The following METTL15 variants were observed in gnomAD, a reference collection of about 807,000 sequenced individuals.
METTL15 encodes the protein 12S rRNA N(4)-cytidine methyltransferase METTL15.
In METTL15, 34 loss-of-function variants were observed where a neutral mutation model predicts 38.3. That is an observed-to-expected ratio of 0.89 (90% CI 0.68 to 1.18). The LOEUF (loss-of-function observed/expected upper bound fraction) is 1.18, where lower values mean the gene tolerates loss of function less well. Ranked by LOEUF, METTL15 falls within the 50% of genes most tolerant of loss-of-function variation. The pLI, the probability that METTL15 is intolerant of heterozygous loss-of-function variation, is 0.00. For synonymous variants in METTL15, 162 were observed against 170.9 expected (o/e 0.95, Z 0.41); for missense variants, 438 against 498.4 (o/e 0.88, Z 1.15).
At chr11:28,112,584 A>G (rs1851766493) in intron 2 of METTL15, among the ~76,000 whole-genome samples, 1 of 152,172 alleles carries the variant, frequency 6.6e-6, no homozygotes, top group South Asian at 2.1e-4. Context: ...TGGAGCACCT[A>G]TGGTAAATCC....
At chr11:28,472,597 A>T (rs1028973362) in intron 6 of METTL15, among the ~76,000 whole-genome samples, 2 of 152,172 alleles carry the variant, frequency 1.3e-5, no homozygotes. Flanking sequence ...TGGACTTTAT[A>T]TCAATCTGTA....
intron 6 of METTL15, among the ~76,000 whole-genome samples, chr11:28,425,327 G>T (rs1266689571): frequency 6.6e-6 from 1 of 151,974 alleles, no homozygotes; most frequent in African/African-American, 2.4e-5. Context: ...TCCTAGTTTT[G>T]CCCTCAAGGT....
At chr11:28,516,732 A>G (rs1472792818) in intron 6 of METTL15, 1 of 152,204 alleles carries the variant, frequency 6.6e-6, no homozygotes, top group African/African-American at 2.4e-5. Context: ...CTGGTTTAGC[A>G]TGTTAAGAAT....
intron 6 of METTL15, among the ~76,000 whole-genome samples, chr11:28,435,475 T>C (rs1418892335): frequency 6.6e-6 from 1 of 152,214 alleles, no homozygotes; most frequent in African/African-American, 2.4e-5. Flanking sequence ...CGTTCTGCTT[T>C]CTGGGAATGC....
chr11:28,519,428 G>C (rs993727046), intron 6 of METTL15: 1 of 152,276 alleles, frequency 6.6e-6, no homozygotes, highest in Admixed American at 6.5e-5. Flanking sequence ...GGTGGCAGGC[G>C]CCAGTAGTCC....
At chr11:28,159,704 C>T (rs1440325794) in intron 3 of METTL15, among the ~76,000 whole-genome samples, 1 of 152,198 alleles carries the variant, frequency 6.6e-6, no homozygotes, top group Non-Finnish European at 1.5e-5. Flanking sequence ...ATTGACTTCA[C>T]ATCAGAATTT....
At chr11:28,286,015 G>A (rs1200743544) in intron 4 of METTL15, among the ~76,000 whole-genome samples, 1 of 152,070 alleles carries the variant, frequency 6.6e-6, no homozygotes, top group African/African-American at 2.4e-5. Flanking sequence ...AGGCTACTAG[G>A]AGAAACAGAA....
chr11:28,110,763 G>A (rs982886548), intron 2 of METTL15, among the ~76,000 whole-genome samples: 4 of 152,104 alleles, frequency 2.6e-5, no homozygotes, highest in Admixed American at 1.3e-4. Flanking sequence ...AGCCCTTGAG[G>A]GAGTATCCTT....
chr11:28,433,013 A>G (rs376463310), intron 6 of METTL15, among the ~76,000 whole-genome samples: 1 of 151,834 alleles, frequency 6.6e-6, no homozygotes, highest in East Asian at 1.9e-4. Context: ...CAAAGATGCC[A>G]AAAACCTATA....
intron 5 of METTL15, among the ~76,000 whole-genome samples, chr11:28,385,675 C>T (rs530896770): frequency 6.6e-6 from 1 of 152,184 alleles, no homozygotes; most frequent in South Asian, 2.1e-4. Flanking sequence ...GTTTCTAATT[C>T]TGCAAAGAAT....
chr11:28,362,875 G>T (rs1418565468), intron 5 of METTL15, among the ~76,000 whole-genome samples: 1 of 152,172 alleles, frequency 6.6e-6, no homozygotes, highest in Non-Finnish European at 1.5e-5. Flanking sequence ...TTTCCTTGAA[G>T]CATATATGCC....
intron 5 of METTL15, among the ~76,000 whole-genome samples, chr11:28,399,242 C>T (rs1234109880): frequency 1.3e-5 from 2 of 152,072 alleles, no homozygotes; most frequent in East Asian, 3.9e-4. Context: ...AACTGGCCAG[C>T]CATTTGCAGA....
At chr11:28,291,614 T>G (rs761944509) in intron 5 of METTL15, among the ~76,000 whole-genome samples, 1 of 152,166 alleles carries the variant, frequency 6.6e-6, no homozygotes, top group Admixed American at 6.6e-5. Context: ...GTGTTATACC[T>G]TCTTTTGCAC....
chr11:28,346,381 G>A (rs534255062), intron 3 of METTL15, among the ~76,000 whole-genome samples: 102 of 152,228 alleles, frequency 6.7e-4, no homozygotes, highest in African/African-American at 2.4e-3. Context: ...CAATATTACA[G>A]TGTTAATTGC....
intron 4 of METTL15, among the ~76,000 whole-genome samples, chr11:28,234,136 A>T (rs557125296): frequency 6.6e-6 from 1 of 152,148 alleles, no homozygotes; most frequent in South Asian, 2.1e-4. Flanking sequence ...ACATGAACTC[A>T]TCATTTTTAA....
chr11:28,395,144 C>G (rs1027452981), intron 5 of METTL15, among the ~76,000 whole-genome samples: 1 of 152,034 alleles, frequency 6.6e-6, no homozygotes, highest in African/African-American at 2.4e-5. Context: ...CCACAATTCC[C>G]TTTTGCTTCA....
intron 4 of METTL15, among the ~76,000 whole-genome samples, chr11:28,286,539 A>G (rs1856269701): frequency 6.6e-6 from 1 of 152,106 alleles, no homozygotes; most frequent in Admixed American, 6.6e-5. Flanking sequence ...GCTCTGGGGA[A>G]TAGGTTTTCA....
At chr11:28,174,615 C>A (rs772412616) in intron 3 of METTL15, among the ~76,000 whole-genome samples, 6 of 151,528 alleles carry the variant, frequency 4.0e-5, no homozygotes, top group Non-Finnish European at 8.8e-5. Context: ...GAGATTGAGA[C>A]CATCCTGGCG....
intron 6 of METTL15, among the ~76,000 whole-genome samples, chr11:28,443,155 T>A (rs763604514): frequency 9.9e-5 from 15 of 152,156 alleles, no homozygotes; most frequent in Non-Finnish European, 1.8e-4. Flanking sequence ...ATTAGGAAAG[T>A]GGGATTAAAA....
Sources: gnomAD v4.1 joint callset for allele counts (sites outside exome capture counted in the v4.1 genomes callset) on GRCh38, gnomAD v4.1.1 for gene constraint, MANE v1.5 for transcripts, NCBI Gene and HGNC (gene_info 2026-07-23, HGNC 2026-07-21) for gene names.